BAALC: variants seen among roughly 807,000 people sequenced by gnomAD.
BAALC encodes BAALC binder of MAP3K1 and KLF4, also known as brain and acute leukemia cytoplasmic protein.
Under a neutral mutation model 15.5 loss-of-function variants are expected in BAALC, and 9 were observed. The ratio of observed to expected loss-of-function variants is 0.58; its 90% CI spans 0.35 to 1.02. BAALC has a LOEUF of 1.02. BAALC is among the 50% of genes least tolerant of loss of function. BAALC has a pLI of 0.02. For missense variants in BAALC, 201 were observed against 192.4 expected (o/e 1.04, Z -0.27); for synonymous variants, 80 against 74.6 (o/e 1.07, Z -0.37).
At chr8:103,162,544 G>C (rs1311881917) in intron 1 of BAALC, among the ~76,000 whole-genome samples, 3 of 152,150 alleles carry the variant, frequency 2.0e-5, no homozygotes, top group South Asian at 2.1e-4. Context: ...CAGCATGTTT[G>C]CATAACTGCT....
At chr8:103,142,314 T>G (rs1810795125) in intron 1 of BAALC, among the ~76,000 whole-genome samples, 1 of 152,214 alleles carries the variant, frequency 6.6e-6, no homozygotes, top group Non-Finnish European at 1.5e-5. Context: ...ATTTTAAAAT[T>G]GAGGACTGTC....
intron 1 of BAALC, among the ~76,000 whole-genome samples, chr8:103,178,710 A>G (rs1351678835): frequency 6.6e-6 from 1 of 152,054 alleles, no homozygotes; most frequent in African/African-American, 2.4e-5. Flanking sequence ...TACAAAAATT[A>G]GCTGGGTATG....
At chr8:103,226,063 C>A (rs907072768) in intron 2 of BAALC, among the ~76,000 whole-genome samples, 16 of 152,220 alleles carry the variant, frequency 1.1e-4, no homozygotes, top group Admixed American at 1.0e-3. Flanking sequence ...CATCTCTCAA[C>A]ACCCAGCACA....
In BAALC at chr8:103,140,907, G is replaced by C; in HGVS notation, c.10G>C (p.Gly4Arg). MGC[G>R]GSRADAIEPR... ...CCCGCGGCGCAGGAGGATGGGCTGC[G>C]GCGGGAGCCGGGCGGATGCCATCGA... Residue 4 changes from glycine to arginine, a missense_variant, in exon 1 of 3, where the codon GGC becomes CGC. By Grantham distance (125) the Gly-to-Arg change is moderately radical (BLOSUM62 -2). Coordinates refer to ENST00000309982, the MANE Select transcript of BAALC (RefSeq NM_024812.3). The surrounding 1 kb of genome is among the most constrained non-coding windows in gnomAD (Gnocchi z 4.2). 1 of 1,515,394 alleles carries C rather than the reference G, an allele frequency of 6.6e-7. No homozygotes were observed. Among genetic ancestry groups the C allele is most frequent in the South Asian group, 1.2e-5 (1 of 81,110 alleles). 93.9% of individuals were successfully genotyped at this position (1,515,394 alleles called of 1,614,324 possible). A position where few individuals can be genotyped will look rare whatever the true frequency, so the allele number is the denominator to read the frequency against.
rs115026168 is a variant in BAALC at position 103,170,578 on chromosome 8, G to A, written c.160+29521G>A. Among the ~76,000 whole-genome samples, 842 of 152,158 alleles carry A rather than the reference G, an allele frequency of 5.5e-3. 3 individuals carry two copies. The highest frequency in any genetic ancestry group is 0.019 in the African/African-American group (797 of 41,534). ...GCATCTACAAACCAAGGAACACTAC[G>A]GACTGTCCACAGCCACCGCAAGCTA... On this transcript the variant is annotated intron_variant, in intron 1 of 2. Transcript: ENST00000309982.
At chr8:103,161,895 G>C (rs975190949) in intron 1 of BAALC, among the ~76,000 whole-genome samples, 8 of 152,066 alleles carry the variant, frequency 5.3e-5, no homozygotes, top group African/African-American at 1.9e-4. Flanking sequence ...ATACAATTCT[G>C]GAAAAACTGC....
intron 1 of BAALC, among the ~76,000 whole-genome samples, chr8:103,175,632 C>A (rs567639834): frequency 6.6e-6 from 1 of 152,150 alleles, no homozygotes; most frequent in Non-Finnish European, 1.5e-5. Flanking sequence ...GAATTTGAAG[C>A]AGGATTGAAT....
chr8:103,157,379 C>T (rs532327355), intron 1 of BAALC, among the ~76,000 whole-genome samples: 37 of 152,224 alleles, frequency 2.4e-4, no homozygotes, highest in Non-Finnish European at 3.8e-4. Flanking sequence ...ACAGCTTCAA[C>T]GCATTGCAAA....
At chr8:103,178,752 G>A (rs1586404078) in intron 1 of BAALC, among the ~76,000 whole-genome samples, 1 of 151,546 alleles carries the variant, frequency 6.6e-6, no homozygotes, top group Non-Finnish European at 1.5e-5. Context: ...AGCTACTCAG[G>A]AGGCTGAGGC....
At chr8:103,161,429 C>T (rs1386860184) in intron 1 of BAALC, among the ~76,000 whole-genome samples, 1 of 152,188 alleles carries the variant, frequency 6.6e-6, no homozygotes, top group East Asian at 1.9e-4. Context: ...TCACTGAAGA[C>T]TATATCCCAG....
At chr8:103,179,274 T>G (rs1340368759) in intron 1 of BAALC, among the ~76,000 whole-genome samples, 1 of 152,016 alleles carries the variant, frequency 6.6e-6, no homozygotes, top group African/African-American at 2.4e-5. Context: ...TAGTAGCATG[T>G]GTGGCCTCTA....
intron 1 of BAALC, among the ~76,000 whole-genome samples, chr8:103,181,331 G>A (rs1448625246): frequency 6.6e-6 from 1 of 152,138 alleles, no homozygotes; most frequent in Non-Finnish European, 1.5e-5. Context: ...GGAGTGCAGT[G>A]GCGCAATCTC....
At chr8:103,223,120 G>A (rs188581919) in intron 2 of BAALC, among the ~76,000 whole-genome samples, 92 of 152,238 alleles carry the variant, frequency 6.0e-4, no homozygotes, top group Non-Finnish European at 5.6e-4. Context: ...AGACCAGCCT[G>A]GCCAACATGA....
At chr8:103,186,035 C>A (rs577238972) in intron 1 of BAALC, among the ~76,000 whole-genome samples, 1 of 152,304 alleles carries the variant, frequency 6.6e-6, no homozygotes, top group African/African-American at 2.4e-5. Context: ...CATTTCCACA[C>A]CTGAGCACAA....
intron 1 of BAALC, among the ~76,000 whole-genome samples, chr8:103,191,906 A>G (rs1357851269): frequency 1.3e-5 from 2 of 152,144 alleles, no homozygotes; most frequent in Admixed American, 1.3e-4. Context: ...TTAAGAGTCA[A>G]TTGCCGCATT....
At chr8:103,175,238 T>C (rs1467766363) in intron 1 of BAALC, among the ~76,000 whole-genome samples, 3 of 152,304 alleles carry the variant, frequency 2.0e-5, no homozygotes, top group African/African-American at 7.2e-5. Context: ...AACCCCAAGT[T>C]TACTTACTTT....
chr8:103,166,931 C>T (rs1206685005), intron 1 of BAALC, among the ~76,000 whole-genome samples: 1 of 152,196 alleles, frequency 6.6e-6, no homozygotes, highest in Non-Finnish European at 1.5e-5. Flanking sequence ...AAATACACAT[C>T]TTCCAGGTTA....
At chr8:103,225,274 G>A (rs1418116368) in intron 2 of BAALC, among the ~76,000 whole-genome samples, 1 of 152,170 alleles carries the variant, frequency 6.6e-6, no homozygotes, top group Non-Finnish European at 1.5e-5. Context: ...TCTCAGAACT[G>A]TGCTAGGCAC....
At chr8:103,153,485 T>C (rs1315251967) in intron 1 of BAALC, among the ~76,000 whole-genome samples, 1 of 152,262 alleles carries the variant, frequency 6.6e-6, no homozygotes, top group Non-Finnish European at 1.5e-5. Context: ...AAATAATTTT[T>C]AAAAATAATG....
Sources: allele counts gnomAD v4.1 joint callset (sites outside exome capture counted in the v4.1 genomes callset), GRCh38; gene constraint gnomAD v4.1.1; non-coding constraint Gnocchi (gnomAD v3.1); transcripts MANE v1.5; gene names NCBI Gene and HGNC (gene_info 2026-07-23, HGNC 2026-07-21).